The following SH3GL3 variants were observed in gnomAD, a reference collection of about 807,000 sequenced individuals.
SH3GL3 encodes the protein SH3 domain containing GRB2 like 3, endophilin A3.
A neutral mutation model predicts 47.7 loss-of-function variants in SH3GL3; 33 were observed. The observed-to-expected ratio is 0.69, with a 90% CI of 0.52 to 0.92. The LOEUF is 0.92. Ranked by LOEUF, SH3GL3 falls within the 40% of genes least tolerant of loss-of-function variation. The pLI, the probability that SH3GL3 is intolerant of heterozygous loss-of-function variation, is 0.00. For missense variants in SH3GL3, 363 were observed against 417.8 expected (o/e 0.87, Z 1.14); for synonymous variants, 155 against 148.8 (o/e 1.04, Z -0.30).
intron 1 of SH3GL3, among the ~76,000 whole-genome samples, chr15:83,465,801 A>G (rs941432880): frequency 1.3e-5 from 2 of 152,022 alleles, no homozygotes; most frequent in African/African-American, 2.4e-5. Context: ...CCTTTATTCT[A>G]TGTGCTTTTA....
At chr15:83,484,924 A>C (rs530563880) in intron 1 of SH3GL3, among the ~76,000 whole-genome samples, 4 of 152,208 alleles carry the variant, frequency 2.6e-5, no homozygotes, top group Non-Finnish European at 5.9e-5. Flanking sequence ...TTAATTTAGT[A>C]GTTTTAAAGT....
intron 1 of SH3GL3, among the ~76,000 whole-genome samples, chr15:83,505,290 T>C (rs2042451346): frequency 6.6e-6 from 1 of 152,148 alleles, no homozygotes; most frequent in South Asian, 2.1e-4. Context: ...TTCTTTAACA[T>C]TACTAGATAA....
intron 1 of SH3GL3, among the ~76,000 whole-genome samples, chr15:83,524,169 A>C (rs2043323677): frequency 6.6e-6 from 1 of 152,176 alleles, no homozygotes; most frequent in African/African-American, 2.4e-5. Context: ...CAGCCCTGCA[A>C]GTTTTTATTT....
chr15:83,607,340 C>A (rs1199166857), intron 8 of SH3GL3, among the ~76,000 whole-genome samples: 1 of 152,144 alleles, frequency 6.6e-6, no homozygotes, highest in East Asian at 1.9e-4. Context: ...GATGTTGCAC[C>A]ATCCAGAGGA....
At chr15:83,505,955 A>G (rs182767126) in intron 1 of SH3GL3, among the ~76,000 whole-genome samples, 199 of 152,328 alleles carry the variant, frequency 1.3e-3, no homozygotes, top group African/African-American at 4.7e-3. Context: ...GTTATATGCT[A>G]TACAAATATC....
At chr15:83,502,880 T>C (rs1394922013) in intron 1 of SH3GL3, among the ~76,000 whole-genome samples, 1 of 152,222 alleles carries the variant, frequency 6.6e-6, no homozygotes, top group African/African-American at 2.4e-5. Flanking sequence ...TTAGTTTTTT[T>C]CTTATGAATT....
At chr15:83,632,466 T>C in the SH3GL3 span, among the ~76,000 whole-genome samples, 1 of 152,212 alleles carries the variant, frequency 6.6e-6, no homozygotes, top group African/African-American at 2.4e-5. Context: ...AATGTATTAG[T>C]CTATTCTCAC....
intron 1 of SH3GL3, among the ~76,000 whole-genome samples, chr15:83,509,712 T>C (rs999719180): frequency 1.1e-4 from 17 of 152,326 alleles, no homozygotes; most frequent in African/African-American, 3.6e-4. Context: ...GCTATTTTTA[T>C]GACGCCTCCC....
chr15:83,557,184 C>T (rs925340918), intron 1 of SH3GL3, among the ~76,000 whole-genome samples: 14 of 152,170 alleles, frequency 9.2e-5, no homozygotes, highest in African/African-American at 3.1e-4. Context: ...AGGTGCCACT[C>T]CCCACCCCAG....
At chr15:83,473,195 C>T (rs939648942) in intron 1 of SH3GL3, among the ~76,000 whole-genome samples, 7 of 150,870 alleles carry the variant, frequency 4.6e-5, no homozygotes, top group Non-Finnish European at 8.9e-5. Context: ...AGTTCAGGCT[C>T]CCCACATGCT....
chr15:83,581,035 T>A (rs1396843081), intron 6 of SH3GL3, among the ~76,000 whole-genome samples: 1 of 152,214 alleles, frequency 6.6e-6, no homozygotes, highest in Non-Finnish European at 1.5e-5. Flanking sequence ...GCACTGACAA[T>A]TCAAAGACCA....
At chr15:83,542,482 G>A (rs1184804301) in intron 1 of SH3GL3, among the ~76,000 whole-genome samples, 1 of 151,966 alleles carries the variant, frequency 6.6e-6, no homozygotes, top group Non-Finnish European at 1.5e-5. Context: ...ATAAGTTTTA[G>A]GATTATTTTC....
chr15:83,533,861 GC>G lies in SH3GL3; in HGVS notation c.46-25390del, dbSNP rs893931452. On this transcript the variant is annotated intron_variant, in intron 1 of 8. Coordinates refer to ENST00000427482, the MANE Select transcript of SH3GL3 (RefSeq NM_003027.5). ...CGCAGGTGTCCCATTTCCTTGCTGA[GC>G]CAATTTGTCTTCCCTCTGGTTAGTA... Among the ~76,000 whole-genome samples the G allele has an allele frequency of 4.3e-4, 66 of 152,170 alleles. 1 individual carries two copies. The highest frequency in any genetic ancestry group is 1.8e-4 in the Non-Finnish European group (12 of 68,040).
chr15:83,505,355 A>G (rs904622474), intron 1 of SH3GL3, among the ~76,000 whole-genome samples: 2 of 151,984 alleles, frequency 1.3e-5, no homozygotes, highest in African/African-American at 4.8e-5. Context: ...AGGACGTGAA[A>G]GTTCCCATTA....
chr15:83,580,238 C>T (rs939184812), intron 6 of SH3GL3, among the ~76,000 whole-genome samples: 1 of 152,144 alleles, frequency 6.6e-6, no homozygotes, highest in African/African-American at 2.4e-5. Context: ...AGCTGTGCTT[C>T]GGGATGGCTG....
At position 83,552,598 on chromosome 15, in the gene SH3GL3, C is replaced by T. The variant is rs766964618; in HGVS notation, c.46-6655C>T. On this transcript the variant is annotated intron_variant, in intron 1 of 8. Transcript: ENST00000427482. ...TTTTGCCACTACTTATAATATTTTG[C>T]AGCAACATAATATATGGTCAGTTTT... Among the ~76,000 whole-genome samples the T allele has an allele frequency of 4.5e-4, 69 of 152,122 alleles. 1 individual carries two copies. Among genetic ancestry groups the T allele is most frequent in the Non-Finnish European group, 1.2e-4 (8 of 68,014 alleles).
intron 6 of SH3GL3, 100 bp downstream of exon 6, chr15:83,576,841 C>A: frequency 1.8e-5 from 14 of 788,566 alleles, no homozygotes; most frequent in Non-Finnish European, 2.7e-5. Context: ...GCAGGAGTGT[C>A]CAATCTTTTG....
rs2040335554 is a variant in SH3GL3 at position 83,462,229 on chromosome 15, T to C, written c.45+14651T>C. Among the ~76,000 whole-genome samples, 2 of 152,226 alleles carry C rather than the reference T, an allele frequency of 1.3e-5. 1 individual carries two copies. The highest frequency in any genetic ancestry group is 4.1e-4 in the South Asian group (2 of 4,830). The stretch of plus-strand genomic sequence containing the variant: ...AGAGGCATTCAGACTGCAAAACTGC[T>C]GACTTCACACTGTGGACAGTGTTTC... On this transcript the variant is annotated intron_variant, in intron 1 of 8. Transcript: ENST00000427482.
chr15:83,532,933 A>G (rs914427259), intron 1 of SH3GL3, among the ~76,000 whole-genome samples: 3 of 152,240 alleles, frequency 2.0e-5, no homozygotes, highest in Admixed American at 6.5e-5. Context: ...CTCATTGCCC[A>G]TAATGAGACA....
Sources: allele counts gnomAD v4.1 joint callset (sites outside exome capture counted in the v4.1 genomes callset), GRCh38; gene constraint gnomAD v4.1.1; transcripts MANE v1.5; gene names NCBI Gene and HGNC (gene_info 2026-07-23, HGNC 2026-07-21).